Variants in PCDH11X observed in about 807,000 individuals in gnomAD.
PCDH11X encodes protocadherin-11 X-linked.
In PCDH11X, 18 loss-of-function variants were observed where a neutral mutation model predicts 53.3. The observed-to-expected ratio is 0.34, with a 90% CI of 0.23 to 0.50. The LOEUF (loss-of-function observed/expected upper bound fraction) is 0.50, where lower values mean the gene tolerates loss of function less well. PCDH11X is among the 20% of genes least tolerant of loss of function. PCDH11X has a pLI of 0.98. For synonymous variants in PCDH11X, 279 were observed against 393.3 expected (o/e 0.71, Z 3.44); for missense variants, 570 against 1,032.4 (o/e 0.55, Z 6.14).
chrX:92,303,592 A>C (rs2068765187), intron 8 of PCDH11X, among the ~76,000 whole-genome samples: 1 of 111,596 alleles, frequency 9.0e-6, no homozygotes, highest in Non-Finnish European at 1.9e-5. Flanking sequence ...GTAAAGAAAC[A>C]CTATCTGACA....
chrX:92,607,337 G>A (rs1369434268), intron 10 of PCDH11X, among the ~76,000 whole-genome samples: 4 of 110,297 alleles, frequency 3.6e-5, no homozygotes, highest in South Asian at 3.8e-4. Context: ...AATGAAATTC[G>A]AAAGCATTAT....
intron 8 of PCDH11X, among the ~76,000 whole-genome samples, chrX:92,332,100 A>C (rs1346634927): frequency 8.9e-6 from 1 of 111,838 alleles, no homozygotes; most frequent in African/African-American, 3.2e-5. Flanking sequence ...AAGATGCCCT[A>C]TTAATACAGT....
chrX:92,345,152 C>T (rs1484388277), intron 8 of PCDH11X, among the ~76,000 whole-genome samples: 1 of 110,745 alleles, frequency 9.0e-6, no homozygotes, highest in Non-Finnish European at 1.9e-5. Context: ...ATTAATCAAA[C>T]AAAAGAGAAT....
intron 6 of PCDH11X, among the ~76,000 whole-genome samples, chrX:91,971,611 A>G (rs1389632252): frequency 2.7e-5 from 3 of 111,899 alleles, no homozygotes; most frequent in African/African-American, 9.7e-5. Context: ...TTAATGAGCA[A>G]TTTGACTTTT....
chrX:92,553,165 T>C (rs1262057212), intron 10 of PCDH11X, among the ~76,000 whole-genome samples: 3 of 108,631 alleles, frequency 2.8e-5, no homozygotes, highest in Non-Finnish European at 1.9e-5. Flanking sequence ...TTTCTTTACA[T>C]GTTTGGTAGA....
At chrX:91,800,903 G>A (rs1023223630) in intron 1 of PCDH11X, among the ~76,000 whole-genome samples, 4 of 107,491 alleles carry the variant, frequency 3.7e-5, no homozygotes, top group African/African-American at 6.8e-5. Flanking sequence ...AAGGTTTATT[G>A]CTGGGCGCCC....
intron 6 of PCDH11X, among the ~76,000 whole-genome samples, chrX:91,895,641 C>T (rs1199522469): frequency 9.2e-6 from 1 of 109,241 alleles, no homozygotes; most frequent in African/African-American, 3.3e-5. Context: ...ATATATTCTA[C>T]ATGAGGTTTC....
intron 6 of PCDH11X, among the ~76,000 whole-genome samples, chrX:92,146,273 C>G (rs2065265160): frequency 9.1e-6 from 1 of 110,486 alleles, no homozygotes; most frequent in Non-Finnish European, 1.9e-5. Flanking sequence ...AACAATCTTT[C>G]CTTTCTCCCT....
chrX:92,101,645 C>T (rs190972450), intron 6 of PCDH11X, among the ~76,000 whole-genome samples: 5 of 110,007 alleles, frequency 4.5e-5, no homozygotes, highest in East Asian at 5.8e-4. Flanking sequence ...GAAATGACTG[C>T]GGAGGCCTTC....
chrX:92,446,517 A>G lies in PCDH11X; in HGVS notation c.3344-21782A>G, dbSNP rs192524645. On this transcript the variant is annotated intron_variant, in intron 9 of 10. Coordinates refer to ENST00000682573, the MANE Select transcript of PCDH11X (RefSeq NM_032968.5). ...AAGATCTGATGGCTTTAAAAACGGA[A>G]GTTTCCCTGCACAAGCTCTCTCTTT... is the stretch of plus-strand genomic sequence containing the variant. Among the ~76,000 whole-genome samples, 429 of 110,821 alleles carry G rather than the reference A, an allele frequency of 3.9e-3. 1 individual carries two copies. The highest frequency in any genetic ancestry group is 6.4e-3 in the Non-Finnish European group (338 of 52,985).
rs746139310 is a variant in PCDH11X at position 92,072,340 on chromosome X, ACTGCTTTTCTCAAGCAGAAGG to A, written c.3034-129034_3034-129014del. Among the ~76,000 whole-genome samples, 309 of 110,767 alleles carry A rather than the reference ACTGCTTTTCTCAAGCAGAAGG, an allele frequency of 2.8e-3. 3 individuals are homozygous for A. In the Admixed American group the frequency reaches 0.028, roughly 10 times the overall value. On this transcript the variant is annotated intron_variant, in intron 6 of 10. Coordinates refer to ENST00000682573, the MANE Select transcript of PCDH11X (RefSeq NM_032968.5). ...AGACAAAGTCCCTTTTACTGTTCCC[ACTGCTTTTCTCAAGCAGAAGG>A]AGTTTTGCCCTATAACCACCACTGC...
chrX:92,475,682 A>T (rs2148668290), intron 10 of PCDH11X, among the ~76,000 whole-genome samples: 1 of 111,221 alleles, frequency 9.0e-6, no homozygotes. Flanking sequence ...AATCTCCTTG[A>T]TGTTCTTTGG....
At chrX:92,220,764 G>A (rs1343757814) in intron 7 of PCDH11X, among the ~76,000 whole-genome samples, 1 of 105,930 alleles carries the variant, frequency 9.4e-6, no homozygotes, top group Non-Finnish European at 1.9e-5. Flanking sequence ...GTTTATTGCG[G>A]CACTATTCAC....
intron 10 of PCDH11X, among the ~76,000 whole-genome samples, chrX:92,526,951 T>C (rs1176759919): frequency 9.0e-6 from 1 of 111,150 alleles, no homozygotes; most frequent in Non-Finnish European, 1.9e-5. Flanking sequence ...TATTTAGCCA[T>C]AGCAAAGAAT....
intron 6 of PCDH11X, among the ~76,000 whole-genome samples, chrX:92,173,602 C>T (rs2065856682): frequency 9.0e-6 from 1 of 110,629 alleles, no homozygotes; most frequent in South Asian, 3.8e-4. Flanking sequence ...CCCTACTTTC[C>T]TACTCAATGA....
intron 10 of PCDH11X, among the ~76,000 whole-genome samples, chrX:92,610,115 A>G (rs749305287): frequency 4.5e-5 from 5 of 111,679 alleles, no homozygotes; most frequent in Non-Finnish European, 9.5e-5. Flanking sequence ...AATACTCAGT[A>G]ATGAGAGTTT....
intron 10 of PCDH11X, among the ~76,000 whole-genome samples, chrX:92,501,626 A>T (rs1175987138): frequency 8.9e-6 from 1 of 111,807 alleles, no homozygotes; most frequent in Non-Finnish European, 1.9e-5. Flanking sequence ...AAACCACACG[A>T]TCATTTCAAT....
chrX:92,020,781 G>A (rs2062871377), intron 6 of PCDH11X, among the ~76,000 whole-genome samples: 1 of 110,962 alleles, frequency 9.0e-6, no homozygotes, highest in African/African-American at 3.3e-5. Flanking sequence ...CCGTATTCAG[G>A]AGGGTACATA....
At chrX:92,501,913 G>A (rs1209958103) in intron 10 of PCDH11X, among the ~76,000 whole-genome samples, 1 of 110,356 alleles carries the variant, frequency 9.1e-6, no homozygotes, top group Non-Finnish European at 1.9e-5. Context: ...CAAATAGGGA[G>A]TGAGGAAGTC....
Sources: gnomAD v4.1 joint callset for allele counts (sites outside exome capture counted in the v4.1 genomes callset) on GRCh38, gnomAD v4.1.1 for gene constraint, MANE v1.5 for transcripts, NCBI Gene and HGNC (gene_info 2026-07-23, HGNC 2026-07-21) for gene names.